BFSP1: variants seen among roughly 807,000 people sequenced by gnomAD.
The protein encoded by BFSP1 is filensin.
Under a neutral mutation model 43.9 loss-of-function variants are expected in BFSP1, and 38 were observed. The observed-to-expected ratio is 0.87, with a 90% CI of 0.67 to 1.14. BFSP1 has a LOEUF of 1.14. Ranked by LOEUF, BFSP1 falls within the 50% of genes most tolerant of loss-of-function variation. BFSP1 has a pLI of 0.00. For missense variants in BFSP1, 850 were observed against 875.1 expected (o/e 0.97, Z 0.36); for synonymous variants, 352 against 354.8 (o/e 0.99, Z 0.09).
intron 2 of BFSP1, among the ~76,000 whole-genome samples, chr20:17,518,444 A>G (rs1164133904): frequency 6.6e-6 from 1 of 152,176 alleles, no homozygotes; most frequent in Non-Finnish European, 1.5e-5. Context: ...AAACTCAGCT[A>G]TAGCGTTTCT....
At chr20:17,513,193 G>A (rs1340358648) in intron 3 of BFSP1, among the ~76,000 whole-genome samples, 1 of 152,166 alleles carries the variant, frequency 6.6e-6, no homozygotes, top group Non-Finnish European at 1.5e-5. Flanking sequence ...CTCCGGCTGA[G>A]GACAAGTCCT....
chr20:17,558,805 T>G (rs1600687979), exon 1 of BFSP1: 8 of 1,453,958 alleles, frequency 5.5e-6, no homozygotes, highest in Non-Finnish European at 6.5e-6. Flanking sequence ...CAAAACCCTC[T>G]CCAGAGGGCC....
chr20:17,524,904 C>T lies in BFSP1; in HGVS notation c.382G>A (p.Glu128Lys). ...AGGAGTTGACATTCGCACTCATTTTCATACCTGCAAATTGGACACATAAGT... is the reference window on the plus strand; with the variant it reads ...AGGAGTTGACATTCGCACTCATTTTTATACCTGCAAATTGGACACATAAGT... Reference protein sequence around the residue: ...RALDEFRSKYENECECQLLLK... With the variant: ...RALDEFRSKYKNECECQLLLK... Residue 128 changes from glutamate (E) to lysine (K), a missense_variant, in exon 2 of 8, where the codon GAA (glutamate) becomes AAA (lysine). By Grantham distance (56) the Glu-to-Lys change is moderately conservative. Coordinates refer to ENST00000377873, the MANE Select transcript of BFSP1 (RefSeq NM_001195.5). The T allele has an allele frequency of 6.2e-7, 1 of 1,613,940 alleles. No homozygotes were observed. The highest frequency in any genetic ancestry group is 8.5e-7 in the Non-Finnish European group (1 of 1,179,818).
chr20:17,501,739 C>A (rs2033807377), intron 5 of BFSP1, among the ~76,000 whole-genome samples: 1 of 152,228 alleles, frequency 6.6e-6, no homozygotes, highest in African/African-American at 2.4e-5. Context: ...ATGTCAGCCC[C>A]ACCCATCCAA....
rs529557669 is a variant in BFSP1, at chr20:17,503,344, A to G, written c.736-4304T>C. ...AGCACCTATAATCTCTCACTTTTCTATGTTTGAAATCTTCCATAATAAAGA... is the reference window on the plus strand; with the variant it reads ...AGCACCTATAATCTCTCACTTTTCTGTGTTTGAAATCTTCCATAATAAAGA... On this transcript the variant is annotated intron_variant, in intron 5 of 7. Transcript: ENST00000377873. 7.2e-5 allele frequency among the ~76,000 whole-genome samples: 11 copies of G among 152,252 alleles called. No homozygotes were observed. The South Asian group carries it at 1.2e-3, about 17-fold the overall frequency.
intron 1 of BFSP1, chr20:17,541,134 G>T: frequency 4.6e-6 from 2 of 438,268 alleles, no homozygotes; most frequent in Non-Finnish European, 6.1e-6. Context: ...AGGCTGCAGT[G>T]AGCAATGATC....
intron 2 of BFSP1, among the ~76,000 whole-genome samples, chr20:17,520,582 G>A (rs2034301909): frequency 6.6e-6 from 1 of 152,204 alleles, no homozygotes; most frequent in African/African-American, 2.4e-5. Flanking sequence ...AGGTGCTAAT[G>A]TTGGCCTGGA....
At chr20:17,530,795 T>G (rs1447467881) in intron 1 of BFSP1, among the ~76,000 whole-genome samples, 158 bp downstream of exon 1, 2 of 152,236 alleles carry the variant, frequency 1.3e-5, no homozygotes, top group Non-Finnish European at 1.5e-5. Context: ...CAGTCTTAGC[T>G]TAAGGAAATG....
intron 2 of BFSP1, chr20:17,517,037 T>A: frequency 4.5e-6 from 4 of 882,464 alleles, no homozygotes; most frequent in Non-Finnish European, 7.6e-6. Context: ...AAAAGGAGTC[T>A]ACTCTTCATC....
intron 1 of BFSP1, among the ~76,000 whole-genome samples, chr20:17,539,653 C>A (rs561009564): frequency 6.6e-5 from 10 of 152,030 alleles, no homozygotes; most frequent in African/African-American, 2.2e-4. Flanking sequence ...GTAGTCCTAG[C>A]TACTCGGGAG....
chr20:17,535,268 C>T (rs920872531), upstream of BFSP1, among the ~76,000 whole-genome samples: 2 of 152,020 alleles, frequency 1.3e-5, no homozygotes, highest in Admixed American at 6.5e-5. Flanking sequence ...CGGTGGCTCA[C>T]GCCTGTAATC....
chr20:17,532,243 A>G (rs887716189), upstream of BFSP1, among the ~76,000 whole-genome samples: 2 of 149,022 alleles, frequency 1.3e-5, no homozygotes, highest in African/African-American at 2.5e-5. Flanking sequence ...CGTCTCTACT[A>G]AAAATACCAA....
At chr20:17,568,097 T>C (rs754196962) in intron 1 of BFSP1, among the ~76,000 whole-genome samples, 5 of 152,018 alleles carry the variant, frequency 3.3e-5, no homozygotes, top group South Asian at 4.2e-4. Flanking sequence ...AGAGGTGTTC[T>C]GGAATGAGAA....
chr20:17,524,260 A>C (rs572939652), intron 2 of BFSP1, among the ~76,000 whole-genome samples: 2 of 152,152 alleles, frequency 1.3e-5, no homozygotes, highest in Non-Finnish European at 2.9e-5. Context: ...GTTAGTTAGA[A>C]TCATGATGAA....
intron 4 of BFSP1, among the ~76,000 whole-genome samples, chr20:17,509,273 C>G (rs181972577): frequency 3.7e-4 from 54 of 144,684 alleles, no homozygotes; most frequent in African/African-American, 1.3e-3. Context: ...CTGTCTGTCA[C>G]GTGAGACACA....
chr20:17,552,660 T>C (rs2034914401), intron 1 of BFSP1, among the ~76,000 whole-genome samples: 1 of 152,076 alleles, frequency 6.6e-6, no homozygotes, highest in Non-Finnish European at 1.5e-5. Context: ...TGAGGAGTGA[T>C]AGAATTCTAT....
intron 2 of BFSP1, chr20:17,516,894 G>A (rs1048603940): frequency 1.5e-6 from 1 of 679,530 alleles, no homozygotes; most frequent in Non-Finnish European, 2.6e-6. Context: ...CCTCAAGGTT[G>A]AACCCTCAGA....
At position 17,494,573 on chromosome 20, in the gene BFSP1, G is replaced by A. The variant is rs550597037; in HGVS notation, c.1499C>T (p.Ala500Val). 29 of 1,614,172 alleles carry A rather than the reference G, an allele frequency of 1.8e-5. No individual in the cohort carries two copies. The highest frequency in any genetic ancestry group is 8.9e-5 in the East Asian group (4 of 44,880). ...TAKGGVAVSVAEDSVLYDGQV... is the reference protein window; with the variant it reads ...TAKGGVAVSVVEDSVLYDGQV... ...GCCGTCATAAAGCACAGAGTCTTCCGCAACAGAAACAGCCACCCCACCTTT... is the reference window on the plus strand; with the variant it reads ...GCCGTCATAAAGCACAGAGTCTTCCACAACAGAAACAGCCACCCCACCTTT... Residue 500 changes from alanine to valine, a missense_variant, in exon 8 of 8, where the codon GCG (alanine) becomes GTG (valine). Coordinates refer to ENST00000377873, the MANE Select transcript of BFSP1 (RefSeq NM_001195.5).
At position 17,517,325 on chromosome 20, in the gene BFSP1, A is replaced by T. The variant is rs978494664; in HGVS notation, c.439-2509T>A. The T allele has an allele frequency of 5.4e-6, 6 of 1,109,094 alleles. No homozygotes were observed. In the African/African-American group the frequency reaches 9.2e-5, roughly 17 times the overall value. 68.7% of individuals were successfully genotyped at this position (1,109,094 alleles called of 1,614,324 possible). A position where few individuals can be genotyped will look rare whatever the true frequency, so the allele number is the denominator to read the frequency against. ...AAGACAAGGAACTGTATGAGTTAAT[A>T]AAAGACATGAACTAACAAACAAAAC... On this transcript the variant is annotated intron_variant, in intron 2 of 7. Coordinates refer to ENST00000377873, the MANE Select transcript of BFSP1 (RefSeq NM_001195.5).
Sources: gnomAD v4.1 joint callset for allele counts (sites outside exome capture counted in the v4.1 genomes callset) on GRCh38, gnomAD v4.1.1 for gene constraint, MANE v1.5 for transcripts, NCBI Gene and HGNC (gene_info 2026-07-23, HGNC 2026-07-21) for gene names.